PKNOX1: variants seen among roughly 807,000 people sequenced by gnomAD.
The protein encoded by PKNOX1 is homeobox protein PKNOX1.
In PKNOX1, 15 loss-of-function variants were observed where a neutral mutation model predicts 51.9. The observed-to-expected ratio is 0.29, with a 90% confidence interval of 0.19 to 0.45. The LOEUF is 0.45. PKNOX1 is among the 20% of genes least tolerant of loss of function. The pLI, the probability that PKNOX1 is intolerant of heterozygous loss-of-function variation, is 1.00. For missense variants in PKNOX1, 462 were observed against 547.5 expected, an observed-to-expected ratio of 0.84 and a Z score of 1.56; for synonymous variants, 219 against 211.1, an observed-to-expected ratio of 1.04 and a Z score of -0.32.
intron 10 of PKNOX1, chr21:43,029,076 A>T: frequency 3.3e-6 from 2 of 609,152 alleles, no homozygotes; most frequent in East Asian, 2.8e-5. Context: ...GAGCACCAGT[A>T]GTAGAGAATG....
intron 2 of PKNOX1, 27 bp from the exon 3 acceptor site, chr21:43,007,464 A>G (rs1464823607): frequency 1.9e-6 from 3 of 1,611,586 alleles, no homozygotes; most frequent in East Asian, 2.2e-5. Context: ...GTGTTTGCTA[A>G]TAAGAATTAT....
intron 8 of PKNOX1, among the ~76,000 whole-genome samples, chr21:43,023,788 G>A (rs1979869286): frequency 2.0e-5 from 3 of 152,060 alleles, no homozygotes; most frequent in Non-Finnish European, 2.9e-5. Context: ...CTAATTTTTT[G>A]TATTTTTAGT....
intron 2 of PKNOX1, among the ~76,000 whole-genome samples, chr21:43,006,840 G>A (rs1979009553): frequency 6.6e-6 from 1 of 152,190 alleles, no homozygotes. Flanking sequence ...GCTGCTCATG[G>A]ATAACTAGAA....
intron 1 of PKNOX1, among the ~76,000 whole-genome samples, chr21:42,999,935 C>T (rs1978674903): frequency 1.3e-5 from 2 of 152,190 alleles, no homozygotes; most frequent in Admixed American, 6.5e-5. Context: ...TAAATCATCT[C>T]TCAAGTTCAG....
chr21:43,004,613 C>T (rs1160580473), intron 2 of PKNOX1, among the ~76,000 whole-genome samples, 181 bp downstream of exon 2: 1 of 152,190 alleles, frequency 6.6e-6, no homozygotes, highest in Non-Finnish European at 1.5e-5. Context: ...ATTTCGTTAA[C>T]TGATACCAAG....
chr21:43,028,990 C>A, intron 10 of PKNOX1, 116 bp downstream of exon 10: 1 of 966,032 alleles, frequency 1.0e-6, no homozygotes, highest in Non-Finnish European at 1.6e-6. Context: ...AACGAGAGTG[C>A]GTGGTTCTCT....
chr21:43,012,197 G>A (rs939051228), intron 4 of PKNOX1, among the ~76,000 whole-genome samples: 1 of 152,202 alleles, frequency 6.6e-6, no homozygotes, highest in African/African-American at 2.4e-5. Flanking sequence ...GAAAATGGCT[G>A]CATTATTGGT....
chr21:43,004,574 G>C (rs1184011448), intron 2 of PKNOX1, 142 bp downstream of exon 2: 2 of 531,898 alleles, frequency 3.8e-6, no homozygotes, highest in Non-Finnish European at 6.5e-6. Flanking sequence ...GTACATTCGT[G>C]TTCAGAAAAA....
intron 1 of PKNOX1, among the ~76,000 whole-genome samples, chr21:42,975,585 C>T (rs933987302): frequency 7.2e-5 from 11 of 152,246 alleles, no homozygotes; most frequent in Non-Finnish European, 1.5e-4. Context: ...CCTCGTGGCT[C>T]TCGAAATGCC....
chr21:43,008,061 TCA>T (rs56932866), intron 3 of PKNOX1, among the ~76,000 whole-genome samples: 7,875 of 146,838 alleles, frequency 0.054, 266 homozygotes, highest in South Asian at 0.092. Flanking sequence ...CAAAACTCTG[TCA>T]CACACACACA....
At chr21:42,985,439 A>G (rs975235344) in intron 1 of PKNOX1, among the ~76,000 whole-genome samples, 3 of 151,910 alleles carry the variant, frequency 2.0e-5, no homozygotes, top group Non-Finnish European at 4.4e-5. Flanking sequence ...GGTTCAAGTG[A>G]TTCTCTGACC....
Position 43,018,143 on chromosome 21 carries a change from G to A in PKNOX1, c.633G>A (p.Val211=), listed in dbSNP as rs775782501. The change falls in exon 7 of 11, where the codon GTG becomes GTA. Residue 211 remains valine, a synonymous_variant. Coordinates refer to ENST00000291547, the MANE Select transcript of PKNOX1 (RefSeq NM_004571.5). The part of the protein sequence containing the change: ...VAMATVAGGT[V]YQPVTVVTPQ... ...ATTCTCCCTTTCGAGGTGGCACAGT[G>A]TATCAGCCTGTCACGGTCGTCACTC... is the stretch of plus-strand genomic sequence containing the variant. 1.2e-6 allele frequency: 2 copies of A among 1,603,304 alleles called. No homozygotes were observed. Among genetic ancestry groups the A allele is most frequent in the Non-Finnish European group, 1.7e-6 (2 of 1,171,704 alleles).
At chr21:43,019,401 A>G (rs970709463) in intron 7 of PKNOX1, among the ~76,000 whole-genome samples, 7 of 33,320 alleles carry the variant, frequency 2.1e-4, no homozygotes, top group Admixed American at 4.5e-4. Context: ...CAAATAAAAT[A>G]AAATAAACAA....
intron 1 of PKNOX1, among the ~76,000 whole-genome samples, chr21:42,986,032 G>T (rs1224663130): frequency 2.0e-5 from 3 of 149,490 alleles, no homozygotes; most frequent in Non-Finnish European, 4.5e-5. Flanking sequence ...AAAAAAAATT[G>T]CAAAACCATT....
intron 8 of PKNOX1, among the ~76,000 whole-genome samples, chr21:43,024,164 C>A (rs1432208942): frequency 1.3e-5 from 2 of 152,190 alleles, no homozygotes. Context: ...GCAGAGATCT[C>A]ACCCCAGGAA....
chr21:43,003,834 A>C (rs1462441058), intron 1 of PKNOX1: 1 of 153,070 alleles, frequency 6.5e-6, no homozygotes, highest in Non-Finnish European at 1.5e-5. Context: ...GCACAGGAAA[A>C]TAAGTGATTG....
chr21:43,002,008 C>T (rs1978782492), intron 1 of PKNOX1, among the ~76,000 whole-genome samples: 1 of 151,674 alleles, frequency 6.6e-6, no homozygotes, highest in Admixed American at 6.6e-5. Context: ...AAGTTTTAGC[C>T]ACCCACCCTG....
intron 1 of PKNOX1, among the ~76,000 whole-genome samples, chr21:42,976,863 A>C (rs969495323): frequency 6.6e-6 from 1 of 152,196 alleles, no homozygotes; most frequent in East Asian, 1.9e-4. Flanking sequence ...TTTTCAGTTT[A>C]CTTTGCCCAG....
rs764476751 is a variant in PKNOX1 at position 43,028,819 on chromosome 21, T to C, written c.1044T>C (p.Asp348=). The C allele has an allele frequency of 1.2e-6, 2 of 1,614,088 alleles. No individual in the cohort carries two copies. Among genetic ancestry groups the C allele is most frequent in the Non-Finnish European group, 1.7e-6 (2 of 1,180,006 alleles). The change falls in exon 10 of 11, where the codon GAT becomes GAC. Residue 348 remains aspartate, a synonymous_variant. Coordinates refer to ENST00000291547, the MANE Select transcript of PKNOX1 (RefSeq NM_004571.5). ...QNRPVQRFWP[D]SIASGVAQPP... ...GGCCAGTTCAGAGGTTTTGGCCTGA[T>C]TCTATTGCATCAGGAGTCGCACAGC...
Sources: gnomAD v4.1 joint callset for allele counts (sites outside exome capture counted in the v4.1 genomes callset) on GRCh38, gnomAD v4.1.1 for gene constraint, MANE v1.5 for transcripts, NCBI Gene and HGNC (gene_info 2026-07-23, HGNC 2026-07-21) for gene names.